Variants in ARSJ observed in about 807,000 individuals in gnomAD.
ARSJ encodes the protein arylsulfatase family member J.
A neutral mutation model predicts 35.9 loss-of-function variants in ARSJ; 26 were observed. The ratio of observed to expected loss-of-function variants is 0.72; its 90% confidence interval spans 0.53 to 1.00. The LOEUF (loss-of-function observed/expected upper bound fraction) is 1.00, where lower values mean the gene tolerates loss of function less well. Among genes scored for constraint, ARSJ ranks in the 50% least tolerant of loss-of-function variants. The pLI is 0.00. For missense variants in ARSJ, 667 were observed against 723.6 expected (o/e 0.92, Z 0.90); for synonymous variants, 294 against 267.6 (o/e 1.10, Z -0.96).
At chr4:113,955,645 T>C (rs907108667) in intron 1 of ARSJ, among the ~76,000 whole-genome samples, 5 of 152,080 alleles carry the variant, frequency 3.3e-5, no homozygotes, top group African/African-American at 9.7e-5. Flanking sequence ...CCGGTCTACA[T>C]GTTGCTTTGT....
intron 1 of ARSJ, 107 bp downstream of exon 1, chr4:113,978,330 T>C: frequency 9.7e-7 from 1 of 1,027,966 alleles, no homozygotes; most frequent in Non-Finnish European, 1.4e-6. Flanking sequence ...CTTCATTCAT[T>C]CAGTTGTTCC....
At chr4:113,909,557 C>T (rs1194361206) in intron 1 of ARSJ, among the ~76,000 whole-genome samples, 2 of 152,134 alleles carry the variant, frequency 1.3e-5, no homozygotes, top group African/African-American at 4.8e-5. Flanking sequence ...AGTAAGTTCT[C>T]ATGAGATCCC....
intron 1 of ARSJ, among the ~76,000 whole-genome samples, chr4:113,928,236 TCA>T (rs1402609359): frequency 6.6e-6 from 1 of 152,114 alleles, no homozygotes; most frequent in African/African-American, 2.4e-5. Context: ...TCCCCAATGC[TCA>T]GTTACACTTG....
chr4:113,911,618 T>A (rs774783941), intron 1 of ARSJ, among the ~76,000 whole-genome samples: 11 of 151,766 alleles, frequency 7.2e-5, no homozygotes, highest in Non-Finnish European at 1.5e-4. Flanking sequence ...TAAAGATGAG[T>A]CCAAAGTGTC....
At chr4:113,940,075 G>C (rs879321208) in intron 1 of ARSJ, among the ~76,000 whole-genome samples, 6 of 152,250 alleles carry the variant, frequency 3.9e-5, no homozygotes, top group African/African-American at 1.4e-4. Flanking sequence ...GTGGAAGACA[G>C]TGTGGTGATT....
intron 1 of ARSJ, among the ~76,000 whole-genome samples, chr4:113,908,996 T>G (rs1304813769): frequency 1.3e-5 from 2 of 152,050 alleles, no homozygotes; most frequent in African/African-American, 4.8e-5. Context: ...GTTTAGAGAT[T>G]GTTTAGATTT....
chr4:113,966,739 A>T (rs1261700895), intron 1 of ARSJ, among the ~76,000 whole-genome samples: 1 of 152,166 alleles, frequency 6.6e-6, no homozygotes, highest in Non-Finnish European at 1.5e-5. Context: ...TTAATCAAAC[A>T]TTGGTTGCCA....
chr4:113,966,752 C>T (rs1594510698), intron 1 of ARSJ, among the ~76,000 whole-genome samples: 1 of 152,220 alleles, frequency 6.6e-6, no homozygotes, highest in East Asian at 1.9e-4. Context: ...GGTTGCCACC[C>T]ACATTTTTGT....
chr4:113,949,064 A>G (rs1725686357), intron 1 of ARSJ, among the ~76,000 whole-genome samples: 3 of 152,092 alleles, frequency 2.0e-5, no homozygotes, highest in Admixed American at 2.0e-4. Context: ...GCTGGAAACC[A>G]TCATTCCCAG....
At chr4:113,905,660 ATTT>A (rs766150372) in intron 1 of ARSJ, among the ~76,000 whole-genome samples, 26 of 81,848 alleles carry the variant, frequency 3.2e-4, no homozygotes, top group East Asian at 1.5e-3. Flanking sequence ...GTTCTTGATA[ATTT>A]TTTTTTTTTT....
chr4:113,909,410 C>T (rs2099669758), intron 1 of ARSJ, among the ~76,000 whole-genome samples: 1 of 152,092 alleles, frequency 6.6e-6, no homozygotes, highest in Admixed American at 6.6e-5. Flanking sequence ...GCTAGATGAC[C>T]TCTAATATGG....
intron 1 of ARSJ, among the ~76,000 whole-genome samples, chr4:113,911,256 T>C (rs2099670361): frequency 1.3e-5 from 2 of 152,144 alleles, no homozygotes; most frequent in African/African-American, 4.8e-5. Context: ...GACTAGTCTA[T>C]AGAGGTAAGT....
Position 113,978,765 on chromosome 4 carries a change from T to A in ARSJ, c.70A>T (p.Met24Leu), listed in dbSNP as rs1410380096. 1.2e-6 allele frequency: 2 copies of A among 1,614,074 alleles called. No homozygotes were observed. Among genetic ancestry groups the A allele is most frequent in the Admixed American group, 3.3e-5 (2 of 60,004 alleles). The part of the protein sequence containing the change: ...SPQACVCPGK[M>L]LAMGALAGFW... ...CCTGCCAGCGCCCCCATTGCTAGCATCTTTCCAGGACAGACACAGGCCTGT... is the reference window on the plus strand; with the variant it reads ...CCTGCCAGCGCCCCCATTGCTAGCAACTTTCCAGGACAGACACAGGCCTGT... The change falls in exon 1 of 2, where the codon ATG (methionine) becomes TTG (leucine). Residue 24 changes from methionine (M) to leucine (L), a missense_variant. By Grantham distance (15) the Met-to-Leu change is conservative. Coordinates refer to ENST00000315366, the MANE Select transcript of ARSJ (RefSeq NM_024590.4).
intron 1 of ARSJ, among the ~76,000 whole-genome samples, chr4:113,955,654 G>T (rs1001098317): frequency 2.0e-5 from 3 of 151,982 alleles, no homozygotes; most frequent in Admixed American, 2.0e-4. Flanking sequence ...ATGTTGCTTT[G>T]TTTAACCTTC....
chr4:113,968,498 G>T (rs7700128), intron 1 of ARSJ, among the ~76,000 whole-genome samples: 2 of 151,730 alleles, frequency 1.3e-5, no homozygotes, highest in East Asian at 3.9e-4. Flanking sequence ...GAGGAGATGA[G>T]GGTGGTAGAG....
chr4:113,934,132 G>A (rs1295966272), intron 1 of ARSJ, among the ~76,000 whole-genome samples: 1 of 151,760 alleles, frequency 6.6e-6, no homozygotes, highest in Admixed American at 6.6e-5. Context: ...TGTGGAGAAA[G>A]GGAACCTCAT....
At chr4:113,943,669 A>G (rs116607804) in intron 1 of ARSJ, among the ~76,000 whole-genome samples, 38 of 152,188 alleles carry the variant, frequency 2.5e-4, no homozygotes, top group African/African-American at 9.1e-4. Context: ...ACATTAAATT[A>G]GGTGGGAAGG....
At chr4:113,957,393 C>T (rs746737725) in intron 1 of ARSJ, among the ~76,000 whole-genome samples, 1 of 151,926 alleles carries the variant, frequency 6.6e-6, no homozygotes, top group Non-Finnish European at 1.5e-5. Context: ...ACTCTTTATG[C>T]TTGCAAAGCT....
chr4:113,931,274 C>G (rs1724431459), intron 1 of ARSJ, among the ~76,000 whole-genome samples: 1 of 152,000 alleles, frequency 6.6e-6, no homozygotes, highest in East Asian at 1.9e-4. Context: ...ACATTTTAAG[C>G]AAGAAGAAAA....
Sources: gnomAD v4.1 joint callset for allele counts (sites outside exome capture counted in the v4.1 genomes callset) on GRCh38, gnomAD v4.1.1 for gene constraint, MANE v1.5 for transcripts, NCBI Gene and HGNC (gene_info 2026-07-23, HGNC 2026-07-21) for gene names.